The following DHRS9 variants were observed in gnomAD, a reference collection of about 807,000 sequenced individuals.
DHRS9 encodes the protein dehydrogenase/reductase SDR family member 9.
In DHRS9, 18 loss-of-function variants were observed where a neutral mutation model predicts 26.6. The observed-to-expected ratio is 0.68, with a 90% confidence interval of 0.47 to 1.00. DHRS9 has a LOEUF of 1.00. Among genes scored for constraint, DHRS9 ranks in the 50% least tolerant of loss-of-function variants. DHRS9 has a pLI of 0.00. For missense variants in DHRS9, 425 were observed against 378.7 expected, an observed-to-expected ratio of 1.12 and a Z score of -1.01; for synonymous variants, 134 against 141.1, an observed-to-expected ratio of 0.95 and a Z score of 0.36.
At position 169,079,860 on chromosome 2, in the gene DHRS9, TGAAA is replaced by T. The variant is rs1228654391; in HGVS notation, c.-59-1640_-59-1637del. 4.5e-4 allele frequency among the ~76,000 whole-genome samples: 50 copies of T among 110,508 alleles called. 1 individual carries two copies. Among genetic ancestry groups the T allele is most frequent in the African/African-American group, 8.2e-4 (17 of 20,754 alleles). The allele number at this position is 110,508 out of a possible 152,430, so 72.5% of individuals were successfully genotyped here. A position where few individuals can be genotyped will look rare whatever the true frequency, so the allele number is the denominator to read the frequency against. ...TGGGCGACAACAGCGAAATTCCATC[TGAAA>T]GAAAGAAAGAAAGAAAGAAAGAGAG... On this transcript the variant is annotated intron_variant, in intron 1 of 4. Transcript: ENST00000674881.
intron 4 of DHRS9, among the ~76,000 whole-genome samples, chr2:169,093,015 G>C (rs1684581961): frequency 6.6e-6 from 1 of 152,128 alleles, no homozygotes; most frequent in Non-Finnish European, 1.5e-5. Context: ...ATGTGAACAA[G>C]GCATTAAGGA....
intron 1 of DHRS9, chr2:169,070,588 A>G (rs191880729): frequency 1.0e-6 from 1 of 984,762 alleles, no homozygotes; most frequent in Non-Finnish European, 1.2e-6. Flanking sequence ...ATCAAAGTTA[A>G]ATGTTATACC....
intron 4 of DHRS9, among the ~76,000 whole-genome samples, chr2:169,094,866 C>A (rs548039531): frequency 6.6e-6 from 1 of 152,278 alleles, no homozygotes; most frequent in East Asian, 1.9e-4. Context: ...ATCCCTGCCT[C>A]TCTAAAGGTA....
intron 4 of DHRS9, among the ~76,000 whole-genome samples, chr2:169,092,203 CTAT>C (rs1263759204): frequency 2.6e-5 from 4 of 152,212 alleles, no homozygotes; most frequent in Admixed American, 6.5e-5. Flanking sequence ...TCCTCAAAAA[CTAT>C]TAGAGTAATG....
intron 1 of DHRS9, chr2:169,072,507 T>C (rs915442777): frequency 1.6e-6 from 1 of 606,206 alleles, no homozygotes; most frequent in Non-Finnish European, 2.1e-6. Context: ...GTCATTTATT[T>C]TTAAGAAACA....
In DHRS9 at chr2:169,078,815, C is replaced by CTTTTTTTTTTTTTTTTTTTTTTTTTTTTT. The variant is rs200691133; in HGVS notation, c.-59-2682_-59-2681insTTTTTTTTTTTTTTTTTTTTTTTTTTTTT. On this transcript the variant is annotated intron_variant, in intron 1 of 4. Transcript: ENST00000674881. The stretch of plus-strand genomic sequence containing the variant: ...CTCTGACTTAATTTTTATCAACTGA[C>CTTTTTTTTTTTTTTTTTTTTTTTTTTTTT]TTTTTTTTTTTTTTTTTTTTTTTTT... 1.4e-4 allele frequency among the ~76,000 whole-genome samples: 15 copies of CTTTTTTTTTTTTTTTTTTTTTTTTTTTTT among 110,368 alleles called. 1 individual carries two copies. The highest frequency in any genetic ancestry group is 2.0e-4 in the Non-Finnish European group (11 of 55,178). 72.4% of individuals were successfully genotyped at this position (110,368 alleles called of 152,430 possible).
At chr2:169,077,125 C>T (rs947866697) in intron 1 of DHRS9, among the ~76,000 whole-genome samples, 1 of 152,158 alleles carries the variant, frequency 6.6e-6, no homozygotes, top group Non-Finnish European at 1.5e-5. Context: ...GTCAGCTGTG[C>T]TTATTTTCTC....
At chr2:169,087,411 A>G (rs1684386808) in intron 3 of DHRS9, among the ~76,000 whole-genome samples, 1 of 152,062 alleles carries the variant, frequency 6.6e-6, no homozygotes, top group Non-Finnish European at 1.5e-5. Context: ...ATAGGTTGAG[A>G]AATGCCATCT....
chr2:169,087,275 C>T (rs892466115), intron 3 of DHRS9, among the ~76,000 whole-genome samples: 4 of 152,094 alleles, frequency 2.6e-5, no homozygotes, highest in East Asian at 1.9e-4. Flanking sequence ...CTCAGGCCTG[C>T]GGGAAGTATT....
chr2:169,083,224 C>A, intron 2 of DHRS9, 105 bp from the exon 3 acceptor site: 1 of 1,411,818 alleles, frequency 7.1e-7, no homozygotes, highest in Non-Finnish European at 9.7e-7. Flanking sequence ...AAAATGACTT[C>A]AAGGAGGAAA....
chr2:169,093,392 T>C (rs1260213906), intron 4 of DHRS9, among the ~76,000 whole-genome samples: 2 of 152,022 alleles, frequency 1.3e-5, no homozygotes, highest in Non-Finnish European at 2.9e-5. Flanking sequence ...ATTATCTATA[T>C]ATCAACTGAA....
intron 1 of DHRS9, among the ~76,000 whole-genome samples, chr2:169,079,916 A>G (rs1370233212): frequency 2.4e-5 from 1 of 41,036 alleles, no homozygotes; most frequent in South Asian, 1.1e-3. Context: ...GGAGGGAGGG[A>G]GGGGGAGAGA....
At chr2:169,094,134 G>A (rs1489048667) in intron 4 of DHRS9, among the ~76,000 whole-genome samples, 2 of 152,184 alleles carry the variant, frequency 1.3e-5, no homozygotes, top group Admixed American at 1.3e-4. Flanking sequence ...TCTAACAAAT[G>A]TGAGGTGATA....
chr2:169,069,415 T>G (rs1004721635), upstream of DHRS9: 7 of 985,324 alleles, frequency 7.1e-6, no homozygotes, highest in Admixed American at 3.7e-4. Context: ...GTAGCTAAAT[T>G]TATACTGCTG....
In DHRS9 at chr2:169,078,742, G is replaced by T. The variant is rs146704902; in HGVS notation, c.-59-2781G>T. 3.1e-3 allele frequency among the ~76,000 whole-genome samples: 464 copies of T among 150,436 alleles called. 4 individuals carry two copies. The highest frequency in any genetic ancestry group is 0.01 in the African/African-American group (422 of 40,856). The stretch of plus-strand genomic sequence containing the variant: ...GTTGACTACTTCAGAAATAGCTGTA[G>T]CTATACCACAAGAATCAAGTAGGTT... On this transcript the variant is annotated intron_variant, in intron 1 of 4. Coordinates refer to ENST00000674881, the MANE Select transcript of DHRS9 (RefSeq NM_001376924.1).
rs750002522 is a variant in DHRS9 at position 169,095,633 on chromosome 2, T to C, written c.826T>C (p.Phe276Leu). The change falls in exon 5 of 5, where the codon TTC becomes CTC. Residue 276 changes from phenylalanine (F) to leucine (L), a missense_variant. Coordinates refer to ENST00000674881, the MANE Select transcript of DHRS9 (RefSeq NM_001376924.1). Reference protein sequence around the residue: ...ECMDHALTSLFPKTHYAAGKD... With the variant: ...ECMDHALTSLLPKTHYAAGKD... ...CATGGACCACGCTCTAACAAGTCTC[T>C]TCCCTAAGACTCATTATGCCGCTGG... 1.9e-6 allele frequency: 3 copies of C among 1,613,768 alleles called. No individual in the cohort carries two copies. The highest frequency in any genetic ancestry group is 2.7e-5 in the African/African-American group (2 of 74,910).
intron 1 of DHRS9, chr2:169,081,197 A>T (rs566081001): frequency 1.0e-6 from 1 of 990,922 alleles, no homozygotes; most frequent in Non-Finnish European, 1.2e-6. Flanking sequence ...AGACGAGTTC[A>T]CTCCTGAGAT....
intron 1 of DHRS9, among the ~76,000 whole-genome samples, chr2:169,079,450 T>C (rs929402699): frequency 6.6e-6 from 1 of 152,102 alleles, no homozygotes; most frequent in Non-Finnish European, 1.5e-5. Context: ...ATCATTACTA[T>C]CTTCTTTTTT....
In DHRS9 at chr2:169,070,450, A is replaced by G. The variant is rs116003151; in HGVS notation, c.-60+733A>G. On this transcript the variant is annotated intron_variant, in intron 1 of 4. Coordinates refer to ENST00000674881, the MANE Select transcript of DHRS9 (RefSeq NM_001376924.1). ...CAACAATCAAGTTAGAGTTGTACAA[A>G]TGGCTCTGAAATGTCCCACTACACT... is the stretch of plus-strand genomic sequence containing the variant. The G allele has an allele frequency of 5.4e-3, 5,369 of 985,420 alleles. 36 individuals carry two copies. Among genetic ancestry groups the G allele is most frequent in the African/African-American group, 0.029 (1,680 of 57,354 alleles). 61.0% of individuals were successfully genotyped at this position (985,420 alleles called of 1,614,324 possible). A position where few individuals can be genotyped will look rare whatever the true frequency, so the allele number is the denominator to read the frequency against.
Sources: allele counts gnomAD v4.1 joint callset (sites outside exome capture counted in the v4.1 genomes callset), GRCh38; gene constraint gnomAD v4.1.1; transcripts MANE v1.5; gene names NCBI Gene and HGNC (gene_info 2026-07-23, HGNC 2026-07-21).